NAV3: variants seen among roughly 807,000 people sequenced by gnomAD.
NAV3 encodes pore membrane and/or filament interacting like protein 1.
Under a neutral mutation model 244.7 loss-of-function variants are expected in NAV3, and 87 were observed. That is an observed-to-expected ratio of 0.36 (90% CI 0.30 to 0.42). The LOEUF is 0.42. Ranked by LOEUF, NAV3 falls within the 20% of genes least tolerant of loss-of-function variation. NAV3 has a pLI of 1.00. For missense variants in NAV3, 2,663 were observed against 2,893.3 expected (o/e 0.92, Z 1.83); for synonymous variants, 1,126 against 1,042.2 (o/e 1.08, Z -1.55).
At position 77,647,644 on chromosome 12, in the gene NAV3, A is replaced by G. The variant is rs75351451; in HGVS notation, c.72+75378A>G. Among the ~76,000 whole-genome samples the G allele has an allele frequency of 6.9e-4, 105 of 152,260 alleles. 4 individuals are homozygous for G. In the East Asian group the frequency reaches 0.015, roughly 22 times the overall value. ...TGCTGTTTTGATCATATTCTACTTC[A>G]TATAAAATAAAGTGATTTATTAACA... On this transcript the variant is annotated intron_variant, in intron 2 of 8. Coordinates refer to the NAV3 transcript ENST00000550042.
chr12:77,592,626 G>A (rs1251197936), intron 2 of NAV3, among the ~76,000 whole-genome samples: 1 of 152,122 alleles, frequency 6.6e-6, no homozygotes, highest in Non-Finnish European at 1.5e-5. Context: ...CTGCAGCTTA[G>A]CAGTTGTTAC....
chr12:78,121,866 A>G (rs2138674063), intron 15 of NAV3, 74 bp from the exon 16 acceptor site: 1 of 1,565,086 alleles, frequency 6.4e-7, no homozygotes, highest in African/African-American at 1.3e-5. Context: ...GGCTCTGTGT[A>G]CTGTAACCCG....
intron 2 of NAV3, among the ~76,000 whole-genome samples, chr12:77,690,997 T>G (rs1359019417): frequency 6.6e-6 from 1 of 150,824 alleles, no homozygotes; most frequent in Non-Finnish European, 1.5e-5. Context: ...TTATGGCATC[T>G]TTTATTTCTG....
At chr12:78,193,823 G>T (rs1959085622) in intron 34 of NAV3, among the ~76,000 whole-genome samples, 1 of 152,048 alleles carries the variant, frequency 6.6e-6, no homozygotes, top group Non-Finnish European at 1.5e-5. Context: ...ATTATAATTA[G>T]AACCTAAAGG....
At chr12:77,967,004 C>A (rs887602645) in intron 4 of NAV3, among the ~76,000 whole-genome samples, 2 of 151,896 alleles carry the variant, frequency 1.3e-5, no homozygotes, top group African/African-American at 2.4e-5. Flanking sequence ...ATTTAAATTT[C>A]TTTTATATTT....
At chr12:78,039,024 C>T (rs1207477829) in intron 9 of NAV3, among the ~76,000 whole-genome samples, 1 of 152,040 alleles carries the variant, frequency 6.6e-6, no homozygotes, top group African/African-American at 2.4e-5. Context: ...AGAGCATCTG[C>T]TTATTGTATT....
chr12:77,906,209 T>C (rs1349227784), intron 1 of NAV3, among the ~76,000 whole-genome samples: 2 of 151,898 alleles, frequency 1.3e-5, no homozygotes, highest in Non-Finnish European at 2.9e-5. Context: ...TGAAATACAT[T>C]AGAGATAAAC....
In NAV3 at chr12:78,122,325, C is replaced by A. The variant is rs1955708619; in HGVS notation, c.4135C>A (p.Pro1379Thr). Residue 1379 changes from proline (P) to threonine (T), a missense_variant, in exon 16 of 40, where the codon CCC (proline) becomes ACC (threonine). By Grantham distance (38) the Pro-to-Thr change is conservative (BLOSUM62 -1). Around this residue, in one of 6 missense-constraint regions of NAV3, gnomAD observed 354 missense variants for 413.0 expected, o/e 0.86. Coordinates refer to ENST00000397909, the MANE Select transcript of NAV3 (RefSeq NM_001024383.2). ...CACGAGCTCTGAGTCCATTGACCTCCCCCTCAGCCATCATGGCTCCTTGTC... is the reference window on the plus strand; with the variant it reads ...CACGAGCTCTGAGTCCATTGACCTCACCCTCAGCCATCATGGCTCCTTGTC... ...LHTSSESIDL[P>T]LSHHGSLSGL... The A allele has an allele frequency of 6.2e-7, 1 of 1,614,128 alleles. No individual in the cohort carries two copies. The highest frequency in any genetic ancestry group is 8.5e-7 in the Non-Finnish European group (1 of 1,180,030).
intron 2 of NAV3, among the ~76,000 whole-genome samples, chr12:77,599,784 T>C (rs1870338414): frequency 6.6e-6 from 1 of 151,944 alleles, no homozygotes; most frequent in Admixed American, 6.6e-5. Flanking sequence ...TCTTCTATTA[T>C]AAAATACTGT....
chr12:77,815,996 T>G (rs966813939), intron 2 of NAV3, among the ~76,000 whole-genome samples: 6 of 152,138 alleles, frequency 3.9e-5, no homozygotes, highest in Non-Finnish European at 5.9e-5. Context: ...CAAATGATTT[T>G]AGAGGACAGG....
chr12:77,847,066 A>G (rs1876757066), intron 1 of NAV3, among the ~76,000 whole-genome samples: 1 of 151,774 alleles, frequency 6.6e-6, no homozygotes, highest in Non-Finnish European at 1.5e-5. Flanking sequence ...ACCTTCAGAG[A>G]CTACACACAG....
rs1872104599 is a variant in NAV3, at chr12:77,635,215, A to G, written c.72+62949A>G. ...TGCACTCCACCCTTGGTGACAGAGC[A>G]AGATTCTGTCTCAAAAAAAAAAAAG... On this transcript the variant is annotated intron_variant, in intron 2 of 8. Coordinates refer to the NAV3 transcript ENST00000550042. Among the ~76,000 whole-genome samples, 8 of 150,630 alleles carry G rather than the reference A, an allele frequency of 5.3e-5. No homozygotes were observed. The South Asian group carries it at 1.7e-3, about 31-fold the overall frequency.
chr12:78,092,225 A>C (rs1401746602), intron 12 of NAV3, among the ~76,000 whole-genome samples: 1 of 152,168 alleles, frequency 6.6e-6, no homozygotes, highest in Non-Finnish European at 1.5e-5. Context: ...TGCGAAGAAA[A>C]ATAAATCTAT....
At chr12:78,076,847 T>G (rs1440550561) in intron 12 of NAV3, among the ~76,000 whole-genome samples, 1 of 152,196 alleles carries the variant, frequency 6.6e-6, no homozygotes, top group African/African-American at 2.4e-5. Context: ...CTTAAGAAAT[T>G]CAAGGCTTTC....
chr12:78,083,422 C>T (rs1234820423), intron 12 of NAV3, among the ~76,000 whole-genome samples: 1 of 152,196 alleles, frequency 6.6e-6, no homozygotes, highest in African/African-American at 2.4e-5. Context: ...TCAATATAGA[C>T]CACCTGCTAT....
At chr12:78,111,719 T>A (rs1196071466) in intron 12 of NAV3, among the ~76,000 whole-genome samples, 1 of 152,052 alleles carries the variant, frequency 6.6e-6, no homozygotes, top group Non-Finnish European at 1.5e-5. Context: ...AAAATATATG[T>A]CTTTTGGAAA....
chr12:78,040,376 G>T (rs962351246), intron 9 of NAV3, among the ~76,000 whole-genome samples: 1 of 152,032 alleles, frequency 6.6e-6, no homozygotes, highest in Non-Finnish European at 1.5e-5. Context: ...GGGAGGCTTT[G>T]GTTCTAAAAC....
At chr12:77,960,948 A>G (rs1052540737) in intron 3 of NAV3, among the ~76,000 whole-genome samples, 2 of 146,258 alleles carry the variant, frequency 1.4e-5, no homozygotes, top group African/African-American at 2.5e-5. Flanking sequence ...ATACATGCCT[A>G]TGTCTTATGC....
chr12:77,584,026 C>A (rs1235286375), intron 2 of NAV3, among the ~76,000 whole-genome samples: 1 of 152,190 alleles, frequency 6.6e-6, no homozygotes, highest in Non-Finnish European at 1.5e-5. Flanking sequence ...GTTGCTTCAT[C>A]ATTCATGTAT....
Sources: allele counts gnomAD v4.1 joint callset (sites outside exome capture counted in the v4.1 genomes callset), GRCh38; gene constraint gnomAD v4.1.1; regional missense constraint gnomAD v4.1.1; transcripts MANE v1.5; gene names NCBI Gene and HGNC (gene_info 2026-07-23, HGNC 2026-07-21).